Variants in CDH18 observed in about 807,000 individuals in gnomAD.
CDH18 encodes the protein cadherin 18.
CDH18 carries 31 observed loss-of-function variants against 67.9 expected under a neutral mutation model. That is an observed-to-expected ratio of 0.46 (90% CI 0.34 to 0.62). The LOEUF is 0.62. CDH18 is among the 20% of genes least tolerant of loss of function. The pLI is 0.01. For missense variants in CDH18, 890 were observed against 975.5 expected, an observed-to-expected ratio of 0.91 and a Z score of 1.17; for synonymous variants, 362 against 347.2, an observed-to-expected ratio of 1.04 and a Z score of -0.48.
At chr5:20,512,877 C>CT (rs1755130490) in intron 1 of CDH18, among the ~76,000 whole-genome samples, 1 of 112,308 alleles carries the variant, frequency 8.9e-6, no homozygotes, top group Non-Finnish European at 1.9e-5. Context: ...GAGCAAGACT[C>CT]TGTCTCCAAA....
intron 2 of CDH18, among the ~76,000 whole-genome samples, chr5:20,111,555 T>G (rs1213677868): frequency 2.1e-5 from 3 of 142,902 alleles, no homozygotes; most frequent in African/African-American, 7.8e-5. Context: ...TCTTTTTTTT[T>G]TTTTTTTTTT....
At chr5:19,877,684 C>G (rs1197977908) in intron 2 of CDH18, among the ~76,000 whole-genome samples, 1 of 152,020 alleles carries the variant, frequency 6.6e-6, no homozygotes, top group Non-Finnish European at 1.5e-5. Context: ...GGGCCTAAAA[C>G]AAGTAGATAG....
At chr5:20,131,429 T>A (rs1435979) in intron 2 of CDH18, among the ~76,000 whole-genome samples, 129,324 of 151,910 alleles carry the variant, frequency 0.85, 56,409 homozygotes, top group Non-Finnish European at 0.94. Flanking sequence ...ACTATCAATA[T>A]TGGTAATATA....
At position 19,623,586 on chromosome 5, in the gene CDH18, C is replaced by CT. The variant is rs915272491; in HGVS notation, c.644-10986dup. On this transcript the variant is annotated intron_variant, in intron 5 of 12. Coordinates refer to ENST00000382275, the MANE Select transcript of CDH18 (RefSeq NM_004934.5). The stretch of plus-strand genomic sequence containing the variant: ...ATTGGCATATTTTTATCTTATTCTG[C>CT]TTTTTTTTGGTTTTTGCTTTGATGG... 1.7e-3 allele frequency among the ~76,000 whole-genome samples: 255 copies of CT among 151,246 alleles called. 2 individuals are homozygous for CT. Among genetic ancestry groups the CT allele is most frequent in the African/African-American group, 5.2e-3 (214 of 41,228 alleles).
intron 1 of CDH18, among the ~76,000 whole-genome samples, chr5:20,372,358 C>A (rs1580851259): frequency 6.6e-6 from 1 of 151,718 alleles, no homozygotes; most frequent in Non-Finnish European, 1.5e-5. Flanking sequence ...CATTAAAATT[C>A]TTCTCTTCCA....
intron 2 of CDH18, among the ~76,000 whole-genome samples, chr5:20,106,976 G>C (rs1458113571): frequency 2.6e-5 from 4 of 151,862 alleles, no homozygotes; most frequent in Non-Finnish European, 5.9e-5. Flanking sequence ...CTTTTTGTTT[G>C]TATTAATTTA....
chr5:20,114,901 G>A (rs1412046121), intron 2 of CDH18, among the ~76,000 whole-genome samples: 3 of 152,148 alleles, frequency 2.0e-5, no homozygotes, highest in Admixed American at 6.5e-5. Flanking sequence ...AGTCACATCT[G>A]TAGTAGAGGA....
At chr5:19,866,119 T>C (rs1433779477) in intron 2 of CDH18, among the ~76,000 whole-genome samples, 2 of 152,186 alleles carry the variant, frequency 1.3e-5, no homozygotes, top group Non-Finnish European at 2.9e-5. Context: ...GTCACCAATA[T>C]TGCTTCTGAA....
chr5:19,695,651 T>C (rs945786649), intron 5 of CDH18, among the ~76,000 whole-genome samples: 1 of 152,180 alleles, frequency 6.6e-6, no homozygotes, highest in Admixed American at 6.5e-5. Flanking sequence ...ATCAGCATCC[T>C]GGGGGGCTGT....
intron 5 of CDH18, among the ~76,000 whole-genome samples, chr5:19,637,132 C>CTCTT (rs533808639): frequency 4.5e-4 from 68 of 151,264 alleles, no homozygotes; most frequent in East Asian, 1.6e-3. Flanking sequence ...CTTTTTCTTT[C>CTCTT]TCTTTCTTTC....
At chr5:20,200,328 G>A (rs920607797) in intron 2 of CDH18, among the ~76,000 whole-genome samples, 1 of 151,900 alleles carries the variant, frequency 6.6e-6, no homozygotes, top group Non-Finnish European at 1.5e-5. Flanking sequence ...AACTATGTGA[G>A]TTTCAAAAAA....
At chr5:19,617,838 C>T (rs942473875) in intron 5 of CDH18, among the ~76,000 whole-genome samples, 1 of 152,148 alleles carries the variant, frequency 6.6e-6, no homozygotes, top group Admixed American at 6.6e-5. Context: ...CTCTGCTGTA[C>T]ACAAGTTCAT....
At chr5:20,351,189 T>TGTGTGTGTGTGTGC in intron 1 of CDH18, among the ~76,000 whole-genome samples, 1 of 144,132 alleles carries the variant, frequency 6.9e-6, no homozygotes, top group African/African-American at 2.5e-5. Flanking sequence ...TGTGTGTGTG[T>TGTGTGTGTGTGTGC]GTGCGTGTGT....
At chr5:19,896,924 C>G (rs1287471693) in intron 2 of CDH18, among the ~76,000 whole-genome samples, 2 of 152,006 alleles carry the variant, frequency 1.3e-5, no homozygotes, top group Non-Finnish European at 2.9e-5. Flanking sequence ...GCATGTGAAT[C>G]TATACTTATC....
intron 2 of CDH18, among the ~76,000 whole-genome samples, chr5:20,098,608 T>C (rs1004154356): frequency 5.9e-5 from 9 of 152,240 alleles, no homozygotes; most frequent in South Asian, 4.1e-4. Context: ...AATTATATCA[T>C]CAGAAAATAA....
rs1169385813 is a variant in CDH18 at position 20,241,856 on chromosome 5, A to ATAAAAT, written c.-518+13587_-518+13588insATTTTA. 7.9e-5 allele frequency among the ~76,000 whole-genome samples: 6 copies of ATAAAAT among 75,904 alleles called. 1 individual carries two copies. The highest frequency in any genetic ancestry group is 3.5e-4 in the African/African-American group (6 of 17,210). The allele number at this position is 75,904 out of a possible 152,430, so 49.8% of individuals were successfully genotyped here. On this transcript the variant is annotated intron_variant, in intron 2 of 14. Transcript: ENST00000507958. ...GACAGAGGGAGACCCTGTCGCAAAAAAAAAAAAAATAAAATAAAATAAAAT... is the reference window on the plus strand; with the variant it reads ...GACAGAGGGAGACCCTGTCGCAAAAATAAAATAAAAAAAAATAAAATAAAATAAAAT...
chr5:20,399,035 C>T (rs1264610032), intron 1 of CDH18, among the ~76,000 whole-genome samples: 2 of 152,122 alleles, frequency 1.3e-5, no homozygotes, highest in African/African-American at 2.4e-5. Flanking sequence ...GCACATGTAT[C>T]CCAAAACTTA....
intron 2 of CDH18, among the ~76,000 whole-genome samples, chr5:20,107,378 TCTTATAA>T (rs1747052427): frequency 1.3e-5 from 2 of 152,192 alleles, no homozygotes; most frequent in African/African-American, 4.8e-5. Context: ...CCAGCCTCTC[TCTTATAA>T]CTTTCCTGAA....
At chr5:19,688,448 G>T (rs80276752) in intron 5 of CDH18, among the ~76,000 whole-genome samples, 5,993 of 152,190 alleles carry the variant, frequency 0.039, 382 homozygotes, top group African/African-American at 0.14. Context: ...TACAGCTGAA[G>T]AAGGCATATG....
Sources: allele counts gnomAD v4.1 joint callset (sites outside exome capture counted in the v4.1 genomes callset), GRCh38; gene constraint gnomAD v4.1.1; transcripts MANE v1.5; gene names NCBI Gene and HGNC (gene_info 2026-07-23, HGNC 2026-07-21).